Variants in ACTC1 observed in about 807,000 individuals in gnomAD.
ACTC1 encodes actin alpha cardiac muscle 1.
ACTC1 carries 10 observed loss-of-function variants against 31.6 expected under a neutral mutation model. That is an observed-to-expected ratio of 0.32 (90% CI 0.19 to 0.54). The LOEUF is 0.54. Ranked by LOEUF, ACTC1 falls within the 20% of genes least tolerant of loss-of-function variation. ACTC1 has a pLI of 0.95. For synonymous variants in ACTC1, 196 were observed against 185.0 expected (o/e 1.06, Z -0.48); for missense variants, 129 against 506.4 (o/e 0.25, Z 7.15).
Position 34,792,712 on chromosome 15 carries a change from A to C in ACTC1, c.455-143T>G. On this transcript the variant is annotated intron_variant, in intron 3 of 6. Transcript: ENST00000290378. The surrounding 1 kb of genome is among the most constrained non-coding windows in gnomAD (Gnocchi z 5.3). ...AGATAAAATTAGATTCCTTACACAC[A>C]AAGAATAAAAATGCGCATCAGGAAT... is the stretch of plus-strand genomic sequence containing the variant. 1 of 850,112 alleles carries C rather than the reference A, an allele frequency of 1.2e-6. No individual in the cohort carries two copies. Among genetic ancestry groups the C allele is most frequent in the Non-Finnish European group, 1.9e-6 (1 of 520,222 alleles). The allele number at this position is 850,112 out of a possible 1,614,324, so 52.7% of individuals were successfully genotyped here.
chr15:34,792,731 C>G lies in ACTC1; in HGVS notation c.455-162G>C. 3 of 746,426 alleles carry G rather than the reference C, an allele frequency of 4.0e-6. No homozygotes were observed. Among genetic ancestry groups the G allele is most frequent in the South Asian group, 3.3e-5 (2 of 60,510 alleles). The allele number at this position is 746,426 out of a possible 1,614,324, so 46.2% of individuals were successfully genotyped here. A position where few individuals can be genotyped will look rare whatever the true frequency, so the allele number is the denominator to read the frequency against. ...ACACACAAAGAATAAAAATGCGCAT[C>G]AGGAATACTAAATCTGAAGCAAACT... On this transcript the variant is annotated intron_variant, in intron 3 of 6. Coordinates refer to ENST00000290378, the MANE Select transcript of ACTC1 (RefSeq NM_005159.5). The surrounding 1 kb of genome is among the most constrained non-coding windows in gnomAD (Gnocchi z 5.3).
Position 34,790,327 on chromosome 15 carries a change from A to C in ACTC1, c.*85T>G. On this transcript the variant is annotated 3_prime_UTR_variant, in exon 7 of 7. Transcript: ENST00000290378. ...TAAACAAACTGTACAATGATTGATG[A>C]AAGATGAGGGAAGGTGGTTTGGAAG... is the stretch of plus-strand genomic sequence containing the variant. 1 of 1,516,818 alleles carries C rather than the reference A, an allele frequency of 6.6e-7. No homozygotes were observed. The highest frequency in any genetic ancestry group is 9.1e-7 in the Non-Finnish European group (1 of 1,093,698). The allele number at this position is 1,516,818 out of a possible 1,614,324, so 94.0% of individuals were successfully genotyped here. A position where few individuals can be genotyped will look rare whatever the true frequency, so the allele number is the denominator to read the frequency against.
intron 1 of ACTC1, 96 bp from the exon 2 acceptor site, chr15:34,794,926 TG>T: frequency 1.8e-6 from 1 of 541,186 alleles, no homozygotes; most frequent in Non-Finnish European, 2.6e-6. Context: ...AAGGGGGTTG[TG>T]GGGACTGGAC....
chr15:34,792,511 G>A lies in ACTC1; in HGVS notation c.513C>T (p.Tyr171=), dbSNP rs145023222. ...GACGCATGATGGCATGGGGCAAAGC[G>A]TAGCCCTCATAGATGGGGACATTGT... ...VTHNVPIYEG[Y]ALPHAIMRLD... Residue 171 remains tyrosine (Y), a synonymous_variant, in exon 4 of 7, where the codon TAC becomes TAT. Transcript: ENST00000290378. The surrounding 1 kb of genome is among the most constrained non-coding windows in gnomAD (Gnocchi z 5.3). The A allele has an allele frequency of 5.2e-5, 84 of 1,614,146 alleles. No homozygotes were observed. In the African/African-American group the frequency reaches 8.1e-4, roughly 16 times the overall value.
At chr15:34,794,269 G>T (rs1360657057) in intron 2 of ACTC1, among the ~76,000 whole-genome samples, 1 of 152,252 alleles carries the variant, frequency 6.6e-6, no homozygotes, top group Non-Finnish European at 1.5e-5. Context: ...CTGTAAACTG[G>T]CTGTGAACAT....
rs1300288036 is a variant in ACTC1 at position 34,793,734 on chromosome 15, A to G, written c.130-165T>C. Among the ~76,000 whole-genome samples, 2 of 152,210 alleles carry G rather than the reference A, an allele frequency of 1.3e-5. No homozygotes were observed. The highest frequency in any genetic ancestry group is 2.9e-5 in the Non-Finnish European group (2 of 68,034). ...ATTTAGAAGAATTATTTAAAAATCA[A>G]TCTTCTACCTTCTCCCCACTCCCCC... On this transcript the variant is annotated intron_variant, in intron 2 of 6. Coordinates refer to ENST00000290378, the MANE Select transcript of ACTC1 (RefSeq NM_005159.5). This position sits in a 1 kb window ranked among gnomAD's most constrained non-coding sequence, Gnocchi z 4.8.
At chr15:34,791,541 T>C (rs1223834749) in intron 5 of ACTC1, among the ~76,000 whole-genome samples, 1 of 152,228 alleles carries the variant, frequency 6.6e-6, no homozygotes, top group Non-Finnish European at 1.5e-5. Context: ...CTGTTTCAAG[T>C]AAACACCTCC....
At position 34,792,377 on chromosome 15, in the gene ACTC1, A is replaced by G. The variant is rs776468970; in HGVS notation, c.616+31T>C. On this transcript the variant is annotated intron_variant, in intron 4 of 6. Coordinates refer to ENST00000290378, the MANE Select transcript of ACTC1 (RefSeq NM_005159.5). The surrounding 1 kb of genome is among the most constrained non-coding windows in gnomAD (Gnocchi z 5.3). ...AGTGAGAGAGGAGGAAAGCAGACCCACACTGTGGCAGATGAGACACACACA... is the reference window on the plus strand; with the variant it reads ...AGTGAGAGAGGAGGAAAGCAGACCCGCACTGTGGCAGATGAGACACACACA... 1.1e-5 allele frequency: 18 copies of G among 1,614,210 alleles called. No individual in the cohort carries two copies. The highest frequency in any genetic ancestry group is 1.4e-5 in the Non-Finnish European group (17 of 1,180,004).
rs774238821 is a variant in ACTC1, at chr15:34,791,306, G to GCCAC, written c.809-12_809-11insGTGG. ...CAGCAGATTCCATACCTGGGAACGA[G>GCCAC]TCACACACACACACACACACACACA... On this transcript the variant is annotated splice_polypyrimidine_tract_variant and intron_variant, in intron 5 of 6. Transcript: ENST00000290378. The GCCAC allele has an allele frequency of 1.2e-5, 17 of 1,430,124 alleles. No homozygotes were observed. The Middle Eastern group carries it at 5.6e-4, about 48-fold the overall frequency. The allele number at this position is 1,430,124 out of a possible 1,614,324, so 88.6% of individuals were successfully genotyped here. A position where few individuals can be genotyped will look rare whatever the true frequency, so the allele number is the denominator to read the frequency against.
Position 34,792,031 on chromosome 15 carries a change from T to C in ACTC1, c.808+59A>G. On this transcript the variant is annotated intron_variant, in intron 5 of 6. Transcript: ENST00000290378. The surrounding 1 kb of genome is among the most constrained non-coding windows in gnomAD (Gnocchi z 5.3). ...TTCTTGAGCCTTCTAGATTTTACTC[T>C]GGGAGACCCTAAGATTTCCAGGGAA... The C allele has an allele frequency of 1.3e-6, 2 of 1,593,626 alleles. No individual in the cohort carries two copies. The highest frequency in any genetic ancestry group is 1.7e-5 in the Admixed American group (1 of 59,808).
Position 34,793,426 on chromosome 15 carries a change from G to A in ACTC1, c.273C>T (p.Thr91=). The A allele has an allele frequency of 6.2e-7, 1 of 1,614,158 alleles. No individual in the cohort carries two copies. Among genetic ancestry groups the A allele is most frequent in the East Asian group, 2.2e-5 (1 of 44,874 alleles). ...WDDMEKIWHH[T]FYNELRVAPE... ...GAGCCACACGGAGCTCATTGTAGAA[G>A]GTGTGGTGCCAGATCTTCTCCATGT... The change falls in exon 3 of 7, where the codon ACC becomes ACT. Residue 91 remains threonine, a synonymous_variant. Transcript: ENST00000290378. This position sits in a 1 kb window ranked among gnomAD's most constrained non-coding sequence, Gnocchi z 4.8.
intron 5 of ACTC1, chr15:34,791,676 G>T (rs1891710561): frequency 5.9e-6 from 2 of 339,344 alleles, no homozygotes; most frequent in Middle Eastern, 8.9e-4. Flanking sequence ...GGAAAGCATT[G>T]CTTAGGAAGG....
Position 34,793,685 on chromosome 15 carries a change from A to G in ACTC1, c.130-116T>C. On this transcript the variant is annotated intron_variant, in intron 2 of 6. Transcript: ENST00000290378. The surrounding 1 kb of genome is among the most constrained non-coding windows in gnomAD (Gnocchi z 4.8). Reference sequence around the variant, plus strand: ...AGGAACATATTTAAATACCAGAAATAACAAGCAATACGATTTTACCCCAAT... The same window carrying G: ...AGGAACATATTTAAATACCAGAAATGACAAGCAATACGATTTTACCCCAAT... The G allele has an allele frequency of 1.0e-6, 1 of 974,062 alleles. No homozygotes were observed. Among genetic ancestry groups the G allele is most frequent in the South Asian group, 1.4e-5 (1 of 69,080 alleles). The allele number at this position is 974,062 out of a possible 1,614,324, so 60.3% of individuals were successfully genotyped here. A position where few individuals can be genotyped will look rare whatever the true frequency, so the allele number is the denominator to read the frequency against.
In ACTC1 at chr15:34,792,142, A is replaced by C. The variant is rs371940910; in HGVS notation, c.756T>G (p.Ile252Met). 4 of 1,614,228 alleles carry C rather than the reference A, an allele frequency of 2.5e-6. No individual in the cohort carries two copies. Among genetic ancestry groups the C allele is most frequent in the Non-Finnish European group, 3.4e-6 (4 of 1,180,038 alleles). The change falls in exon 5 of 7, where the codon ATT becomes ATG. Residue 252 changes from isoleucine to methionine, a missense_variant. Coordinates refer to ENST00000290378, the MANE Select transcript of ACTC1 (RefSeq NM_005159.5). The surrounding 1 kb of genome is among the most constrained non-coding windows in gnomAD (Gnocchi z 5.3). ...CAGGACAGCGGAAGCGCTCATTGCC[A>C]ATAGTGATGACTTGGCCATCAGGCA... ...YELPDGQVITIGNERFRCPET... is the reference protein window; with the variant it reads ...YELPDGQVITMGNERFRCPET...
Position 34,790,236 on chromosome 15 carries a change from G to A in ACTC1, c.*176C>T. 2.4e-6 allele frequency: 2 copies of A among 839,526 alleles called. No homozygotes were observed. Among genetic ancestry groups the A allele is most frequent in the Non-Finnish European group, 1.9e-6 (1 of 533,270 alleles). 52.0% of individuals were successfully genotyped at this position (839,526 alleles called of 1,614,324 possible). ...AACAAACGAGAGGCTTTTATAGGTTGCAAGTCCTGGTCTGGTTTATTTATA... is the reference window on the plus strand; with the variant it reads ...AACAAACGAGAGGCTTTTATAGGTTACAAGTCCTGGTCTGGTTTATTTATA... On this transcript the variant is annotated 3_prime_UTR_variant, in exon 7 of 7. Coordinates refer to ENST00000290378, the MANE Select transcript of ACTC1 (RefSeq NM_005159.5).
At position 34,792,469 on chromosome 15, in the gene ACTC1, C is replaced by T. The variant is rs1161290776; in HGVS notation, c.555G>A (p.Arg185=). 3.7e-6 allele frequency: 6 copies of T among 1,614,060 alleles called. No individual in the cohort carries two copies. In the East Asian group the frequency reaches 1.3e-4, roughly 36 times the overall value. Residue 185 remains arginine, a synonymous_variant, in exon 4 of 7, where the codon CGG becomes CGA. Coordinates refer to ENST00000290378, the MANE Select transcript of ACTC1 (RefSeq NM_005159.5). The surrounding 1 kb of genome is among the most constrained non-coding windows in gnomAD (Gnocchi z 5.3). ...HAIMRLDLAG[R]DLTDYLMKIL... The stretch of plus-strand genomic sequence containing the variant: ...TCTTCATGAGGTAGTCAGTGAGGTC[C>T]CGACCAGCCAGATCCAGACGCATGA...
Position 34,792,658 on chromosome 15 carries a change from T to C in ACTC1, c.455-89A>G. ...GGCAAAGCCCGCTTCCAATCTTGGC[T>C]AAGAGATGCTAGCAATGGGCATTGA... On this transcript the variant is annotated intron_variant, in intron 3 of 6. Transcript: ENST00000290378. This position sits in a 1 kb window ranked among gnomAD's most constrained non-coding sequence, Gnocchi z 5.3. 7.1e-7 allele frequency: 1 copy of C among 1,412,630 alleles called. No homozygotes were observed. The allele number at this position is 1,412,630 out of a possible 1,614,324, so 87.5% of individuals were successfully genotyped here. A position where few individuals can be genotyped will look rare whatever the true frequency, so the allele number is the denominator to read the frequency against.
chr15:34,795,168 A>G (rs1891798741), intron 1 of ACTC1, among the ~76,000 whole-genome samples: 1 of 151,796 alleles, frequency 6.6e-6, no homozygotes, highest in Admixed American at 6.6e-5. Flanking sequence ...TGGGAACTCG[A>G]TCTCCAGCCC....
At chr15:34,791,026 T>C in intron 6 of ACTC1, 88 bp downstream of exon 6, 1 of 1,267,508 alleles carries the variant, frequency 7.9e-7, no homozygotes, top group Non-Finnish European at 1.1e-6. Flanking sequence ...GACAAGAAAC[T>C]GAGTATGAGG....
Sources: gnomAD v4.1 joint callset for allele counts (sites outside exome capture counted in the v4.1 genomes callset) on GRCh38, gnomAD v4.1.1 for gene constraint, Gnocchi (gnomAD v3.1) non-coding constraint, MANE v1.5 for transcripts, NCBI Gene and HGNC (gene_info 2026-07-23, HGNC 2026-07-21) for gene names.